The following PTPRD variants were observed in gnomAD, a reference collection of about 807,000 sequenced individuals.
PTPRD encodes receptor-type tyrosine-protein phosphatase delta.
In PTPRD, 34 loss-of-function variants were observed where a neutral mutation model predicts 214.5. The ratio of observed to expected loss-of-function variants is 0.16; its 90% CI spans 0.12 to 0.21. The LOEUF is 0.21. Ranked by LOEUF, PTPRD falls within the 10% of genes least tolerant of loss-of-function variation. The pLI, the probability that PTPRD is intolerant of heterozygous loss-of-function variation, is 1.00. For missense variants in PTPRD, 2,545 were observed against 2,398.7 expected (o/e 1.06, Z -1.27); for synonymous variants, 1,128 against 845.7 (o/e 1.33, Z -5.79).
At chr9:8,574,631 T>C (rs79075681) in intron 14 of PTPRD, among the ~76,000 whole-genome samples, 1,786 of 152,116 alleles carry the variant, frequency 0.012, 32 homozygotes, top group African/African-American at 0.041. Context: ...TCTTGCACTT[T>C]CCACATACTT....
intron 9 of PTPRD, among the ~76,000 whole-genome samples, chr9:9,347,048 C>G (rs1299582462): frequency 2.6e-5 from 4 of 152,034 alleles, no homozygotes; most frequent in African/African-American, 9.7e-5. Context: ...ACGCTTGTAA[C>G]CTTAACACTT....
At chr9:8,562,415 A>AATTT (rs201765905) in intron 14 of PTPRD, among the ~76,000 whole-genome samples, 2 of 151,516 alleles carry the variant, frequency 1.3e-5, no homozygotes, top group African/African-American at 4.8e-5. Context: ...TTCTCATAAT[A>AATTT]ATTTATTTAT....
chr9:9,395,624 C>T (rs556765111), intron 9 of PTPRD, among the ~76,000 whole-genome samples: 2 of 152,174 alleles, frequency 1.3e-5, no homozygotes, highest in South Asian at 2.1e-4. Context: ...TTTCCTTGCA[C>T]CAATTTCCTC....
At chr9:8,621,478 GTACTGGGCAAAACCCCAGTCC>G (rs1229784553) in intron 14 of PTPRD, among the ~76,000 whole-genome samples, 3 of 151,762 alleles carry the variant, frequency 2.0e-5, no homozygotes, top group African/African-American at 4.8e-5. Flanking sequence ...AACCCCAGTC[GTACTGGGCAAAACCCCAGTCC>G]TACTGGGCAG....
intron 14 of PTPRD, among the ~76,000 whole-genome samples, chr9:8,583,691 T>C (rs2093386534): frequency 6.6e-6 from 1 of 152,234 alleles, no homozygotes; most frequent in Non-Finnish European, 1.5e-5. Context: ...ACGTTGCTTT[T>C]GTCATCTGTT....
At chr9:9,555,810 G>A (rs937170200) in intron 8 of PTPRD, among the ~76,000 whole-genome samples, 2 of 152,068 alleles carry the variant, frequency 1.3e-5, no homozygotes, top group Non-Finnish European at 2.9e-5. Flanking sequence ...CCTTATAAGA[G>A]ATTAAATTTT....
At chr9:9,878,364 A>G (rs2067536658) in intron 5 of PTPRD, among the ~76,000 whole-genome samples, 1 of 152,168 alleles carries the variant, frequency 6.6e-6, no homozygotes, top group Non-Finnish European at 1.5e-5. Flanking sequence ...AGGCCATCAC[A>G]ATCACTGGGA....
intron 3 of PTPRD, among the ~76,000 whole-genome samples, chr9:10,300,600 G>T (rs1026220358): frequency 1.3e-5 from 2 of 152,194 alleles, no homozygotes; most frequent in African/African-American, 4.8e-5. Flanking sequence ...TGCCATTGCT[G>T]AGGCTTGAGT....
At chr9:10,467,701 G>C (rs1387354154) in intron 2 of PTPRD, among the ~76,000 whole-genome samples, 2 of 152,084 alleles carry the variant, frequency 1.3e-5, no homozygotes, top group Non-Finnish European at 2.9e-5. Context: ...ACACAATAGA[G>C]ATGCAAATTG....
At chr9:8,331,808 A>AAGAACAATCATTT in intron 43 of PTPRD, 72 bp from the exon 44 acceptor site, 4 of 1,471,436 alleles carry the variant, frequency 2.7e-6, no homozygotes, top group Non-Finnish European at 3.6e-6. Flanking sequence ...TACGGACCAC[A>AAGAACAATCATTT]AGAACAATCA....
intron 2 of PTPRD, among the ~76,000 whole-genome samples, chr9:10,345,516 T>C (rs904097917): frequency 9.3e-5 from 14 of 150,282 alleles, no homozygotes; most frequent in Non-Finnish European, 1.8e-4. Context: ...ACATGCGGTG[T>C]TTGGTTTTCT....
chr9:10,223,715 A>AATAAT (rs2099579603), intron 3 of PTPRD, among the ~76,000 whole-genome samples: 4 of 135,098 alleles, frequency 3.0e-5, no homozygotes, highest in African/African-American at 1.1e-4. Context: ...ATAATAATAA[A>AATAAT]GTAGAGTAGT....
chr9:9,943,276 G>T (rs1030967103), intron 4 of PTPRD, among the ~76,000 whole-genome samples: 1 of 152,146 alleles, frequency 6.6e-6, no homozygotes, highest in Non-Finnish European at 1.5e-5. Flanking sequence ...TCAGAGGGCT[G>T]CAGTGGAGGT....
At chr9:8,439,682 G>T (rs116052446) in intron 34 of PTPRD, among the ~76,000 whole-genome samples, 320 of 151,908 alleles carry the variant, frequency 2.1e-3, no homozygotes, top group South Asian at 0.01. Flanking sequence ...AATGACCAAG[G>T]ATCTACTTCA....
At chr9:10,066,729 C>T (rs768140695) in intron 3 of PTPRD, among the ~76,000 whole-genome samples, 5 of 151,892 alleles carry the variant, frequency 3.3e-5, no homozygotes, top group Admixed American at 6.6e-5. Context: ...GCAGTACACA[C>T]TCTTTGACAC....
chr9:9,494,382 A>G (rs537819920), intron 8 of PTPRD, among the ~76,000 whole-genome samples: 1 of 152,354 alleles, frequency 6.6e-6, no homozygotes, highest in South Asian at 2.1e-4. Flanking sequence ...CTTTTGTGAA[A>G]GGAAGAGTCA....
At position 9,106,637 on chromosome 9, in the gene PTPRD, G is replaced by T. The variant is rs993055374; in HGVS notation, c.-143+76667C>A. Among the ~76,000 whole-genome samples the T allele has an allele frequency of 4.5e-5, 6 of 134,054 alleles. 1 individual carries two copies. Among genetic ancestry groups the T allele is most frequent in the Admixed American group, 3.0e-4 (4 of 13,268 alleles). 87.9% of individuals were successfully genotyped at this position (134,054 alleles called of 152,430 possible). A position where few individuals can be genotyped will look rare whatever the true frequency, so the allele number is the denominator to read the frequency against. ...CAAAAAAAAAAAAAAAAAAAAAAAG[G>T]TTTCATCTGCAGGCTCCTACCTAAG... On this transcript the variant is annotated intron_variant, in intron 10 of 45. Transcript: ENST00000381196.
chr9:10,130,241 A>C (rs913802710), intron 3 of PTPRD, among the ~76,000 whole-genome samples: 1 of 149,056 alleles, frequency 6.7e-6, no homozygotes, highest in African/African-American at 2.5e-5. Flanking sequence ...GAGATAGCTT[A>C]TTCAACAACC....
intron 2 of PTPRD, among the ~76,000 whole-genome samples, chr9:10,380,501 A>T (rs1336582259): frequency 1.3e-5 from 2 of 152,070 alleles, no homozygotes; most frequent in African/African-American, 4.8e-5. Flanking sequence ...CGAAACACAT[A>T]TCATAGTACC....
Sources: gnomAD v4.1 joint callset for allele counts (sites outside exome capture counted in the v4.1 genomes callset) on GRCh38, gnomAD v4.1.1 for gene constraint, MANE v1.5 for transcripts, NCBI Gene and HGNC (gene_info 2026-07-23, HGNC 2026-07-21) for gene names.